Variants in RAB3B observed in about 807,000 individuals in gnomAD.
RAB3B encodes the protein ras-related protein Rab-3B.
Under a neutral mutation model 20.5 loss-of-function variants are expected in RAB3B, and 11 were observed. The ratio of observed to expected loss-of-function variants is 0.54; its 90% CI spans 0.34 to 0.89. The LOEUF is 0.89. RAB3B is among the 40% of genes least tolerant of loss of function. The pLI is 0.02. For synonymous variants in RAB3B, 99 were observed against 106.3 expected, an observed-to-expected ratio of 0.93 and a Z score of 0.42; for missense variants, 225 against 280.9, an observed-to-expected ratio of 0.80 and a Z score of 1.42.
chr1:51,943,413 A>T (rs1052026927), intron 2 of RAB3B, among the ~76,000 whole-genome samples: 2 of 105,472 alleles, frequency 1.9e-5, no homozygotes, highest in Non-Finnish European at 4.2e-5. Context: ...CAACAACAAC[A>T]ACAACAACAA....
chr1:51,964,559 G>A (rs187813517), intron 2 of RAB3B, among the ~76,000 whole-genome samples: 1 of 151,978 alleles, frequency 6.6e-6, no homozygotes, highest in Admixed American at 6.5e-5. Context: ...TTATCTAACG[G>A]GTATCTCCAA....
intron 2 of RAB3B, among the ~76,000 whole-genome samples, chr1:51,943,394 T>TAATAAC (rs1255451676): frequency 2.0e-5 from 1 of 50,100 alleles, no homozygotes; most frequent in African/African-American, 4.8e-5. Flanking sequence ...AAAATAATAA[T>TAATAAC]AACAACAACA....
intron 2 of RAB3B, among the ~76,000 whole-genome samples, chr1:51,940,958 C>T (rs1684485294): frequency 6.6e-6 from 1 of 151,908 alleles, no homozygotes; most frequent in Non-Finnish European, 1.5e-5. Context: ...CAAAGCAAGT[C>T]ACAAACCCAC....
At position 51,919,833 on chromosome 1, in the gene RAB3B, A is replaced by G; in HGVS notation, c.*94T>C. On this transcript the variant is annotated 3_prime_UTR_variant, in exon 5 of 5. Transcript: ENST00000371655. ...GCTCTGAGTGTGGGCAGTGTGTAACAGGGAGAGTGGGCTGAGAGCGGACAG... is the reference window on the plus strand; with the variant it reads ...GCTCTGAGTGTGGGCAGTGTGTAACGGGGAGAGTGGGCTGAGAGCGGACAG... 1 of 1,285,454 alleles carries G rather than the reference A, an allele frequency of 7.8e-7. No homozygotes were observed. Among genetic ancestry groups the G allele is most frequent in the Non-Finnish European group, 1.1e-6 (1 of 933,032 alleles). 79.6% of individuals were successfully genotyped at this position (1,285,454 alleles called of 1,614,324 possible).
chr1:51,989,520 C>T (rs1439974851), intron 1 of RAB3B, among the ~76,000 whole-genome samples: 1 of 151,958 alleles, frequency 6.6e-6, no homozygotes, highest in Non-Finnish European at 1.5e-5. Flanking sequence ...CCTTTCCACC[C>T]TTACACCACG....
chr1:51,943,895 C>T (rs1360103647), intron 2 of RAB3B, among the ~76,000 whole-genome samples: 1 of 152,186 alleles, frequency 6.6e-6, no homozygotes, highest in Non-Finnish European at 1.5e-5. Context: ...GGTGAAGCAG[C>T]AAATGCTGAT....
At chr1:51,954,739 A>G (rs1482271850) in intron 2 of RAB3B, among the ~76,000 whole-genome samples, 2 of 152,218 alleles carry the variant, frequency 1.3e-5, no homozygotes, top group African/African-American at 2.4e-5. Flanking sequence ...TCCATTTTCA[A>G]TGGTTTGTAA....
At chr1:51,980,389 C>T in intron 1 of RAB3B, 2 of 393,776 alleles carry the variant, frequency 5.1e-6, no homozygotes, top group Non-Finnish European at 9.3e-6. Flanking sequence ...GATTGTGCCA[C>T]TGCACTCCAG....
chr1:51,951,225 G>T (rs1684636963), intron 2 of RAB3B, among the ~76,000 whole-genome samples: 1 of 151,640 alleles, frequency 6.6e-6, no homozygotes, highest in African/African-American at 2.4e-5. Context: ...TGATGCTGAG[G>T]TTTGGGGTAT....
At chr1:51,957,924 G>A (rs373294930) in intron 2 of RAB3B, among the ~76,000 whole-genome samples, 4 of 152,178 alleles carry the variant, frequency 2.6e-5, no homozygotes, top group South Asian at 2.1e-4. Flanking sequence ...GGGGGAGGCC[G>A]GTATCCTGAG....
At chr1:51,951,648 C>CA (rs1325678775) in intron 2 of RAB3B, among the ~76,000 whole-genome samples, 1 of 151,900 alleles carries the variant, frequency 6.6e-6, no homozygotes, top group African/African-American at 2.4e-5. Flanking sequence ...TGTGTTTCTA[C>CA]AAAAAATCAA....
At chr1:51,987,389 T>C (rs1428745519) in intron 1 of RAB3B, among the ~76,000 whole-genome samples, 1 of 152,230 alleles carries the variant, frequency 6.6e-6, no homozygotes, top group Non-Finnish European at 1.5e-5. Flanking sequence ...AGTTTCCTTA[T>C]CTATAAAAGG....
At chr1:51,981,979 T>C (rs781363731) in intron 1 of RAB3B, among the ~76,000 whole-genome samples, 3 of 152,202 alleles carry the variant, frequency 2.0e-5, no homozygotes, top group Non-Finnish European at 2.9e-5. Flanking sequence ...AGTGTACTTT[T>C]TCTATTTATA....
chr1:51,932,761 G>A (rs1367601998), intron 4 of RAB3B, among the ~76,000 whole-genome samples: 1 of 152,168 alleles, frequency 6.6e-6, no homozygotes, highest in African/African-American at 2.4e-5. Flanking sequence ...ATGAAGAGTA[G>A]TGCTTCTCTG....
chr1:51,983,332 A>AT (rs1449151679), intron 1 of RAB3B, among the ~76,000 whole-genome samples: 1 of 152,062 alleles, frequency 6.6e-6, no homozygotes, highest in African/African-American at 2.4e-5. Context: ...AAAAAAAAAA[A>AT]CCATCATATT....
At chr1:51,937,632 G>A (rs1018930647) in intron 2 of RAB3B, among the ~76,000 whole-genome samples, 3 of 151,942 alleles carry the variant, frequency 2.0e-5, no homozygotes, top group Non-Finnish European at 4.4e-5. Flanking sequence ...CGAGTGGCTG[G>A]GATTACAAGC....
At chr1:51,955,004 A>G (rs1194586457) in intron 2 of RAB3B, among the ~76,000 whole-genome samples, 1 of 152,242 alleles carries the variant, frequency 6.6e-6, no homozygotes, top group African/African-American at 2.4e-5. Flanking sequence ...CATAGGGCCT[A>G]TCACCCGGAA....
intron 2 of RAB3B, among the ~76,000 whole-genome samples, chr1:51,954,771 T>C (rs1684684486): frequency 1.3e-5 from 2 of 152,252 alleles, no homozygotes. Context: ...TCATAGATTC[T>C]CAGATGTCCA....
intron 2 of RAB3B, among the ~76,000 whole-genome samples, chr1:51,951,593 C>T (rs779439852): frequency 1.3e-5 from 2 of 152,146 alleles, no homozygotes; most frequent in Non-Finnish European, 2.9e-5. Context: ...GGGAGAATTG[C>T]TTGAGCCCTG....
Sources: gnomAD v4.1 joint callset for allele counts (sites outside exome capture counted in the v4.1 genomes callset) on GRCh38, gnomAD v4.1.1 for gene constraint, MANE v1.5 for transcripts, NCBI Gene and HGNC (gene_info 2026-07-23, HGNC 2026-07-21) for gene names.